Variants in STX18 observed in about 807,000 individuals in gnomAD.
STX18 encodes the protein syntaxin-18.
STX18 carries 40 observed loss-of-function variants against 50.1 expected under a neutral mutation model. The ratio of observed to expected loss-of-function variants is 0.80; its 90% CI spans 0.62 to 1.04. STX18 has a LOEUF of 1.04. STX18 is among the 50% of genes least tolerant of loss of function. STX18 has a pLI of 0.00. For synonymous variants in STX18, 158 were observed against 151.8 expected (o/e 1.04, Z -0.30); for missense variants, 410 against 415.8 (o/e 0.99, Z 0.12).
At chr4:4,489,391 A>ATTTTTTTTTTTTTTTTTTTTTT (rs34563523) in intron 1 of STX18, among the ~76,000 whole-genome samples, 3 of 51,600 alleles carry the variant, frequency 5.8e-5, no homozygotes, top group Non-Finnish European at 1.1e-4. Context: ...ATGCAAAATA[A>ATTTTTTTTTTTTTTTTTTTTTT]TTTTTTTTTT....
chr4:4,441,074 G>A (rs1726077691), intron 5 of STX18, among the ~76,000 whole-genome samples: 1 of 152,218 alleles, frequency 6.6e-6, no homozygotes, highest in South Asian at 2.1e-4. Flanking sequence ...CTGCATGAGT[G>A]TGTTACTGGT....
intron 7 of STX18, among the ~76,000 whole-genome samples, chr4:4,433,104 G>A (rs1047892194): frequency 6.6e-6 from 1 of 152,222 alleles, no homozygotes; most frequent in African/African-American, 2.4e-5. Flanking sequence ...CTGGTTCTGT[G>A]ACGTTGGGTA....
rs963037793 is a variant in STX18, at chr4:4,497,816, T to C, written c.169-26110A>G. Among the ~76,000 whole-genome samples the C allele has an allele frequency of 4.6e-5, 7 of 152,236 alleles. No individual in the cohort carries two copies. The South Asian group carries it at 6.2e-4, about 14-fold the overall frequency. Reference sequence around the variant, plus strand: ...TGTTCGCCGATCCTCAGGATCACCTTGTCCTATTTTCCTGAGATATATCAA... The same window carrying C: ...TGTTCGCCGATCCTCAGGATCACCTCGTCCTATTTTCCTGAGATATATCAA... On this transcript the variant is annotated intron_variant, in intron 1 of 10. Transcript: ENST00000306200.
intron 7 of STX18, among the ~76,000 whole-genome samples, chr4:4,427,125 A>C (rs58612183): frequency 0.2 from 30,575 of 152,194 alleles, 6,184 homozygotes; most frequent in African/African-American, 0.52. Flanking sequence ...TCCTTTGGAC[A>C]CTGAGCCCAG....
At chr4:4,462,506 A>C (rs1022505605) in intron 2 of STX18, among the ~76,000 whole-genome samples, 1 of 152,208 alleles carries the variant, frequency 6.6e-6, no homozygotes, top group African/African-American at 2.4e-5. Flanking sequence ...GGTGGAGTAG[A>C]ATTCAGTGTG....
At chr4:4,453,059 A>T (rs1726850896) in intron 5 of STX18, among the ~76,000 whole-genome samples, 1 of 152,200 alleles carries the variant, frequency 6.6e-6, no homozygotes, top group Admixed American at 6.5e-5. Flanking sequence ...ATTATGGATG[A>T]ACCAAGAAAG....
At chr4:4,425,308 T>A in intron 7 of STX18, 86 bp from the exon 8 acceptor site, 2 of 1,248,658 alleles carry the variant, frequency 1.6e-6, no homozygotes, top group Non-Finnish European at 2.3e-6. Context: ...GCTCCAGGAA[T>A]CACTGCCGAA....
intron 1 of STX18, among the ~76,000 whole-genome samples, chr4:4,530,862 C>T (rs1169410426): frequency 1.3e-5 from 2 of 152,186 alleles, no homozygotes; most frequent in African/African-American, 4.8e-5. Flanking sequence ...CCACCTCAGC[C>T]TCCCAAAGTA....
chr4:4,527,881 T>TATATA, intron 1 of STX18, among the ~76,000 whole-genome samples: 1 of 149,274 alleles, frequency 6.7e-6, no homozygotes, highest in African/African-American at 2.5e-5. Flanking sequence ...TATATATATA[T>TATATA]TAAAAACTAC....
chr4:4,460,867 C>T (rs996189842), intron 2 of STX18, among the ~76,000 whole-genome samples: 4 of 152,156 alleles, frequency 2.6e-5, no homozygotes, highest in African/African-American at 7.2e-5. Context: ...AACCCCAGCC[C>T]ACCTCCAACA....
intron 5 of STX18, among the ~76,000 whole-genome samples, chr4:4,455,767 G>A (rs939675796): frequency 2.0e-5 from 3 of 152,244 alleles, no homozygotes; most frequent in African/African-American, 7.2e-5. Flanking sequence ...TGTTGTCATA[G>A]GTCACATGCT....
intron 6 of STX18, among the ~76,000 whole-genome samples, chr4:4,436,794 C>T (rs1725801917): frequency 6.6e-6 from 1 of 152,180 alleles, no homozygotes; most frequent in Admixed American, 6.5e-5. Context: ...CACCTCTCCT[C>T]CCACTGATGG....
At chr4:4,476,848 TC>T (rs1269913378) in intron 1 of STX18, among the ~76,000 whole-genome samples, 1 of 152,090 alleles carries the variant, frequency 6.6e-6, no homozygotes, top group Non-Finnish European at 1.5e-5. Flanking sequence ...TATGGGGGGT[TC>T]CTTGTGCTAT....
At chr4:4,484,987 C>T (rs1412814237) in intron 1 of STX18, among the ~76,000 whole-genome samples, 1 of 152,234 alleles carries the variant, frequency 6.6e-6, no homozygotes, top group East Asian at 1.9e-4. Flanking sequence ...CAACTTCGCA[C>T]TGCTTTGCGT....
chr4:4,466,531 A>T (rs1448293778), intron 2 of STX18, among the ~76,000 whole-genome samples: 2 of 152,156 alleles, frequency 1.3e-5, no homozygotes, highest in Non-Finnish European at 2.9e-5. Flanking sequence ...CCAGGAGAGG[A>T]AGGGACAAAG....
chr4:4,537,804 A>G (rs1731410597), intron 1 of STX18, among the ~76,000 whole-genome samples: 1 of 152,212 alleles, frequency 6.6e-6, no homozygotes, highest in Non-Finnish European at 1.5e-5. Context: ...ATAACAGATA[A>G]GACACATTCA....
intron 1 of STX18, among the ~76,000 whole-genome samples, chr4:4,488,694 A>G (rs1728803687): frequency 6.6e-6 from 1 of 152,206 alleles, no homozygotes; most frequent in African/African-American, 2.4e-5. Context: ...TTAAGTTTCT[A>G]CTGCAAAGTT....
intron 1 of STX18, among the ~76,000 whole-genome samples, chr4:4,504,794 T>TA (rs1444770912): frequency 1.4e-4 from 21 of 152,114 alleles, no homozygotes; most frequent in Admixed American, 4.6e-4. Context: ...TAAAAAATAC[T>TA]AAAAATACCA....
At chr4:4,517,768 T>G (rs539784480) in intron 1 of STX18, among the ~76,000 whole-genome samples, 2 of 148,736 alleles carry the variant, frequency 1.3e-5, no homozygotes, top group African/African-American at 4.9e-5. Context: ...TTTATAAGTG[T>G]TTTTTTTTTC....
Sources: gnomAD v4.1 joint callset for allele counts (sites outside exome capture counted in the v4.1 genomes callset) on GRCh38, gnomAD v4.1.1 for gene constraint, MANE v1.5 for transcripts, NCBI Gene and HGNC (gene_info 2026-07-23, HGNC 2026-07-21) for gene names.